HFM1: variants seen among roughly 807,000 people sequenced by gnomAD.
HFM1 encodes the protein probable ATP-dependent DNA helicase HFM1.
HFM1 carries 169 observed loss-of-function variants against 192.1 expected under a neutral mutation model. The observed-to-expected ratio is 0.88, with a 90% confidence interval of 0.78 to 1.00. HFM1 has a LOEUF of 1.00. HFM1 is among the 50% of genes least tolerant of loss of function. The pLI, the probability that HFM1 is intolerant of heterozygous loss-of-function variation, is 0.00. For synonymous variants in HFM1, 525 were observed against 537.8 expected (o/e 0.98, Z 0.33); for missense variants, 1,661 against 1,668.0 (o/e 1.00, Z 0.07).
intron 20 of HFM1, chr1:91,329,337 A>G: frequency 6.2e-7 from 1 of 1,604,408 alleles, no homozygotes; most frequent in Non-Finnish European, 8.5e-7. Context: ...TGAGGAGCGA[A>G]TCCACAGTGG....
chr1:91,269,926 G>T (rs1430514400), intron 34 of HFM1, among the ~76,000 whole-genome samples: 1 of 152,142 alleles, frequency 6.6e-6, no homozygotes, highest in Non-Finnish European at 1.5e-5. Flanking sequence ...AGAAGGCAGG[G>T]TCCATTGTGT....
At chr1:91,391,165 G>A (rs1662936813) in intron 4 of HFM1, among the ~76,000 whole-genome samples, 1 of 152,144 alleles carries the variant, frequency 6.6e-6, no homozygotes, top group Admixed American at 6.6e-5. Context: ...TTGTGAAAAT[G>A]GCCATACTGC....
rs148693725 is a variant in HFM1, at chr1:91,282,860, A to G, written c.3392-5798T>C. On this transcript the variant is annotated intron_variant, in intron 30 of 38. Transcript: ENST00000370425. ...TTAAATACTAAAGAACTTCTAAAAAAGATGCATGTCTAAACGCTGCCACAA... is the reference window on the plus strand; with the variant it reads ...TTAAATACTAAAGAACTTCTAAAAAGGATGCATGTCTAAACGCTGCCACAA... Among the ~76,000 whole-genome samples, 823 of 152,286 alleles carry G rather than the reference A, an allele frequency of 5.4e-3. 6 individuals are homozygous for G. Among genetic ancestry groups the G allele is most frequent in the African/African-American group, 0.019 (792 of 41,558 alleles).
chr1:91,402,372 T>C (rs555078436), intron 1 of HFM1, among the ~76,000 whole-genome samples: 4 of 152,274 alleles, frequency 2.6e-5, no homozygotes, highest in African/African-American at 9.6e-5. Flanking sequence ...TTTCACTGTT[T>C]TCGTTATTGG....
intron 20 of HFM1, 131 bp downstream of exon 20, chr1:91,343,299 T>C (rs561176557): frequency 2.8e-5 from 11 of 395,530 alleles, no homozygotes; most frequent in African/African-American, 2.4e-4. Flanking sequence ...CTATGGCTAA[T>C]AATGATGATA....
chr1:91,284,264 A>C (rs973501414), intron 30 of HFM1, among the ~76,000 whole-genome samples: 1 of 150,282 alleles, frequency 6.7e-6, no homozygotes, highest in Non-Finnish European at 1.5e-5. Context: ...TTTTTTTGAG[A>C]TAGAGTTTTG....
chr1:91,375,145 T>A (rs375354291), intron 13 of HFM1, among the ~76,000 whole-genome samples: 2 of 152,080 alleles, frequency 1.3e-5, no homozygotes, highest in African/African-American at 4.8e-5. Context: ...AAATAGATAG[T>A]AGTATGGATA....
At chr1:91,298,241 A>G (rs1190375796) in intron 30 of HFM1, among the ~76,000 whole-genome samples, 1 of 152,170 alleles carries the variant, frequency 6.6e-6, no homozygotes, top group Non-Finnish European at 1.5e-5. Context: ...TTAGAGAAAA[A>G]AGAATAAAAA....
At chr1:91,300,896 A>C (rs1648649191) in intron 30 of HFM1, among the ~76,000 whole-genome samples, 1 of 152,182 alleles carries the variant, frequency 6.6e-6, no homozygotes, top group Non-Finnish European at 1.5e-5. Context: ...GCCCTCTCTC[A>C]CCACTCCTAT....
chr1:91,274,657 G>A (rs1418874088), intron 33 of HFM1, 73 bp downstream of exon 33: 4 of 717,488 alleles, frequency 5.6e-6, no homozygotes, highest in African/African-American at 5.4e-5. Context: ...ATCTTTCCCT[G>A]AATAAGTGGT....
rs1340572704 is a variant in HFM1, at chr1:91,343,464, T to C, written c.2301A>G (p.Ile767Met). 6.9e-6 allele frequency: 10 copies of C among 1,451,398 alleles called. No homozygotes were observed. Among genetic ancestry groups the C allele is most frequent in the Non-Finnish European group, 9.5e-6 (10 of 1,056,600 alleles). 89.9% of individuals were successfully genotyped at this position (1,451,398 alleles called of 1,614,324 possible). A position where few individuals can be genotyped will look rare whatever the true frequency, so the allele number is the denominator to read the frequency against. Reference sequence around the variant, plus strand: ...TGAAATTAACACCTTCATCCATCTTTATTAAGTCCAGGGATGATAAATCAT... The same window carrying C: ...TGAAATTAACACCTTCATCCATCTTCATTAAGTCCAGGGATGATAAATCAT... Reference protein sequence around the residue: ...NLNDLSSLDLIKMDEGVNFKP... With the variant: ...NLNDLSSLDLMKMDEGVNFKP... Residue 767 changes from isoleucine (I) to methionine (M), a missense_variant, in exon 20 of 39, where the codon ATA becomes ATG. Transcript: ENST00000370425.
At chr1:91,397,764 C>T (rs776072668) in intron 2 of HFM1, among the ~76,000 whole-genome samples, 2 of 152,164 alleles carry the variant, frequency 1.3e-5, no homozygotes, top group Non-Finnish European at 2.9e-5. Flanking sequence ...GCTACCAGGA[C>T]GAAGTCCAAG....
chr1:91,264,988 C>T (rs1033121975), intron 36 of HFM1, among the ~76,000 whole-genome samples: 2 of 152,174 alleles, frequency 1.3e-5, no homozygotes, highest in Non-Finnish European at 2.9e-5. Flanking sequence ...TGAATCTGCT[C>T]TATTTCTGAA....
At chr1:91,278,264 C>G (rs1315362627) in intron 30 of HFM1, among the ~76,000 whole-genome samples, 1 of 151,928 alleles carries the variant, frequency 6.6e-6, no homozygotes, top group African/African-American at 2.4e-5. Flanking sequence ...CCTGACTCCT[C>G]TAAGTTAGAA....
intron 20 of HFM1, among the ~76,000 whole-genome samples, chr1:91,328,135 TTGAAA>T (rs1653201153): frequency 6.6e-6 from 1 of 152,036 alleles, no homozygotes; most frequent in South Asian, 2.1e-4. Flanking sequence ...AGAAATAAAA[TTGAAA>T]TGAAGAAAAC....
At chr1:91,400,934 A>G (rs1664241673) in intron 2 of HFM1, 78 bp downstream of exon 2, 1 of 610,004 alleles carries the variant, frequency 1.6e-6, no homozygotes, top group Non-Finnish European at 2.9e-6. Flanking sequence ...TATTTACCAG[A>G]GAGAAAGCTA....
In HFM1 at chr1:91,394,291, T is replaced by C. The variant is rs752247488; in HGVS notation, c.296A>G (p.Tyr99Cys). The change falls in exon 4 of 39, where the codon TAT (tyrosine) becomes TGT (cysteine). Residue 99 changes from tyrosine (Y) to cysteine (C), a missense_variant. By Grantham distance (194) the Tyr-to-Cys change is radical (BLOSUM62 -2). Coordinates refer to ENST00000370425, the MANE Select transcript of HFM1 (RefSeq NM_001017975.6). The stretch of plus-strand genomic sequence containing the variant: ...TTCTAAATTTAGATCATCCTGTTCA[T>C]ATTTATCAGAAGGAAAGGCAAACTG... ...KFQFAFPSDK[Y>C]EQDDLNLEGV... 5 of 1,592,460 alleles carry C rather than the reference T, an allele frequency of 3.1e-6. No homozygotes were observed. In the African/African-American group the frequency reaches 6.7e-5, roughly 21 times the overall value.
chr1:91,360,648 T>C (rs1337733076), intron 13 of HFM1, among the ~76,000 whole-genome samples: 2 of 151,912 alleles, frequency 1.3e-5, no homozygotes, highest in African/African-American at 4.8e-5. Context: ...AGACAGAAAA[T>C]TAACAAAGAT....
chr1:91,374,028 G>C (rs1316944626), intron 13 of HFM1, among the ~76,000 whole-genome samples: 1 of 152,104 alleles, frequency 6.6e-6, no homozygotes, highest in Non-Finnish European at 1.5e-5. Flanking sequence ...GCTTATAAAA[G>C]TAAATACAGG....
Sources: allele counts gnomAD v4.1 joint callset (sites outside exome capture counted in the v4.1 genomes callset), GRCh38; gene constraint gnomAD v4.1.1; transcripts MANE v1.5; gene names NCBI Gene and HGNC (gene_info 2026-07-23, HGNC 2026-07-21).